The following CNGB3 variants were observed in gnomAD, a reference collection of about 807,000 sequenced individuals.
CNGB3 encodes cyclic nucleotide gated channel subunit beta 3.
Under a neutral mutation model 92.8 loss-of-function variants are expected in CNGB3, and 86 were observed. The observed-to-expected ratio is 0.93, with a 90% CI of 0.78 to 1.11. CNGB3 has a LOEUF of 1.11. Ranked by LOEUF, CNGB3 falls within the 50% of genes least tolerant of loss-of-function variation. CNGB3 has a pLI of 0.00. For missense variants in CNGB3, 1,026 were observed against 956.8 expected (o/e 1.07, Z -0.95); for synonymous variants, 333 against 332.7 (o/e 1.00, Z -0.01).
chr8:86,659,193 G>T, intron 6 of CNGB3: 2 of 715,090 alleles, frequency 2.8e-6, no homozygotes, highest in African/African-American at 1.7e-5. Context: ...CTCTGACATC[G>T]GCTGCATCCT....
Position 86,694,446 on chromosome 8 carries a change from G to A in CNGB3, c.339-23348C>T, listed in dbSNP as rs550254351. Among the ~76,000 whole-genome samples the A allele has an allele frequency of 7.9e-5, 12 of 151,472 alleles. 1 individual carries two copies. In the South Asian group the frequency reaches 2.3e-3, roughly 29 times the overall value. Reference sequence around the variant, plus strand: ...GACGGGGTGGCTGCCGGGCGGAGACGCTCCTCACTTCCCAGACGGGGTGGC... The same window carrying A: ...GACGGGGTGGCTGCCGGGCGGAGACACTCCTCACTTCCCAGACGGGGTGGC... On this transcript the variant is annotated intron_variant, in intron 3 of 17. Coordinates refer to ENST00000320005, the MANE Select transcript of CNGB3 (RefSeq NM_019098.5).
chr8:86,730,778 T>C (rs889681606), intron 2 of CNGB3, among the ~76,000 whole-genome samples: 1 of 152,238 alleles, frequency 6.6e-6, no homozygotes, highest in African/African-American at 2.4e-5. Flanking sequence ...TATAATACTT[T>C]AATCACACTT....
intron 15 of CNGB3, chr8:86,594,267 G>T (rs536865951): frequency 3.8e-6 from 1 of 261,544 alleles, no homozygotes; most frequent in Non-Finnish European, 7.6e-6. Flanking sequence ...GTGAGCTTTC[G>T]GATGCCCTCC....
chr8:86,726,347 C>T (rs1331567503), intron 3 of CNGB3, among the ~76,000 whole-genome samples, 184 bp downstream of exon 3: 1 of 152,154 alleles, frequency 6.6e-6, no homozygotes, highest in African/African-American at 2.4e-5. Flanking sequence ...CATGCTGGGC[C>T]AGTGAGGTAC....
At chr8:86,726,265 C>T (rs1187506036) in intron 3 of CNGB3, among the ~76,000 whole-genome samples, 5 of 152,070 alleles carry the variant, frequency 3.3e-5, no homozygotes, top group Admixed American at 3.3e-4. Context: ...ATGACTCATA[C>T]ATGTAACAGC....
At chr8:86,695,358 T>TA (rs1303443173) in intron 3 of CNGB3, among the ~76,000 whole-genome samples, 1 of 98,652 alleles carries the variant, frequency 1.0e-5, no homozygotes, top group African/African-American at 5.5e-5. Flanking sequence ...GTTCATTTTT[T>TA]AAAAAATTAT....
intron 3 of CNGB3, among the ~76,000 whole-genome samples, chr8:86,693,941 C>G (rs1436548980): frequency 8.5e-5 from 13 of 152,122 alleles, no homozygotes; most frequent in Non-Finnish European, 2.9e-5. Context: ...CATCATGGCC[C>G]GTTCTCAATG....
intron 10 of CNGB3, among the ~76,000 whole-genome samples, chr8:86,636,806 C>G (rs889035741): frequency 2.6e-5 from 4 of 152,058 alleles, no homozygotes; most frequent in African/African-American, 9.7e-5. Flanking sequence ...GAAATTGACT[C>G]TTTTAGATTC....
At chr8:86,579,961 CT>C (rs1169624018) in intron 15 of CNGB3, among the ~76,000 whole-genome samples, 1 of 152,194 alleles carries the variant, frequency 6.6e-6, no homozygotes, top group East Asian at 1.9e-4. Flanking sequence ...CCATTTTCAC[CT>C]TGCTATAAAG....
Position 86,647,742 on chromosome 8 carries a change from T to A in CNGB3, c.990+59A>T, listed in dbSNP as rs1823316346. The A allele has an allele frequency of 2.4e-5, 22 of 924,824 alleles. No individual in the cohort carries two copies. In the South Asian group the frequency reaches 2.8e-4, roughly 12 times the overall value. The allele number at this position is 924,824 out of a possible 1,614,324, so 57.3% of individuals were successfully genotyped here. ...TTAAATTGTTTCAAGATTTCCATTA[T>A]AGGGAAATAGAAATATTTCCATTAT... On this transcript the variant is annotated intron_variant, in intron 8 of 17. Transcript: ENST00000320005.
chr8:86,665,941 G>C (rs1027309014), intron 6 of CNGB3, among the ~76,000 whole-genome samples: 1 of 152,172 alleles, frequency 6.6e-6, no homozygotes, highest in Non-Finnish European at 1.5e-5. Context: ...TTGTAAGTTA[G>C]GTTTTCCCAA....
At chr8:86,662,035 T>G in intron 6 of CNGB3, 1 of 329,326 alleles carries the variant, frequency 3.0e-6, no homozygotes, top group Non-Finnish European at 5.6e-6. Flanking sequence ...CTGGCCCAGG[T>G]GCAGGGCTGC....
At chr8:86,684,958 A>G (rs2131631129) in intron 3 of CNGB3, among the ~76,000 whole-genome samples, 1 of 152,212 alleles carries the variant, frequency 6.6e-6, no homozygotes, top group South Asian at 2.1e-4. Flanking sequence ...TAAATATGCC[A>G]TACACAAACA....
chr8:86,609,563 C>T (rs918654600), intron 14 of CNGB3, among the ~76,000 whole-genome samples: 1 of 152,146 alleles, frequency 6.6e-6, no homozygotes, highest in Non-Finnish European at 1.5e-5. Flanking sequence ...AGAGGCAAGG[C>T]CCTCTTCTCT....
chr8:86,676,784 G>C (rs1157442550), intron 3 of CNGB3, among the ~76,000 whole-genome samples: 1 of 152,254 alleles, frequency 6.6e-6, no homozygotes, highest in East Asian at 1.9e-4. Flanking sequence ...AGCCATACCG[G>C]AGTAGGTTGG....
intron 3 of CNGB3, among the ~76,000 whole-genome samples, chr8:86,698,877 CA>C (rs1293365988): frequency 6.6e-6 from 1 of 152,164 alleles, no homozygotes; most frequent in African/African-American, 2.4e-5. Flanking sequence ...TAGACCAAAG[CA>C]AGTTTATAAC....
At chr8:86,577,905 T>TTTCG (rs1821687975) in intron 17 of CNGB3, among the ~76,000 whole-genome samples, 1 of 151,966 alleles carries the variant, frequency 6.6e-6, no homozygotes, top group Non-Finnish European at 1.5e-5. Flanking sequence ...TTGTTGTTGT[T>TTTCG]TTTGTTTGTT....
intron 3 of CNGB3, among the ~76,000 whole-genome samples, chr8:86,709,918 G>A (rs1824720769): frequency 6.6e-6 from 1 of 152,060 alleles, no homozygotes; most frequent in Non-Finnish European, 1.5e-5. Context: ...CTAGAATAAA[G>A]CACATAATGT....
At chr8:86,618,834 C>T (rs1270576907) in intron 13 of CNGB3, among the ~76,000 whole-genome samples, 2 of 152,168 alleles carry the variant, frequency 1.3e-5, no homozygotes, top group Non-Finnish European at 2.9e-5. Context: ...AGTAGGATGT[C>T]ACTGCTGGGG....
Sources: gnomAD v4.1 joint callset for allele counts (sites outside exome capture counted in the v4.1 genomes callset) on GRCh38, gnomAD v4.1.1 for gene constraint, MANE v1.5 for transcripts, NCBI Gene and HGNC (gene_info 2026-07-23, HGNC 2026-07-21) for gene names.